The following RCL1 variants were observed in gnomAD, a reference collection of about 807,000 sequenced individuals.
RCL1 encodes the protein RNA 3'-terminal phosphate cyclase-like protein.
RCL1 carries 24 observed loss-of-function variants against 42.4 expected under a neutral mutation model. The ratio of observed to expected loss-of-function variants is 0.57; its 90% CI spans 0.41 to 0.80. RCL1 has a LOEUF of 0.80. Among genes scored for constraint, RCL1 ranks in the 30% least tolerant of loss-of-function variants. RCL1 has a pLI of 0.00. For synonymous variants in RCL1, 228 were observed against 177.3 expected, an observed-to-expected ratio of 1.29 and a Z score of -2.27; for missense variants, 578 against 467.9, an observed-to-expected ratio of 1.24 and a Z score of -2.17.
At chr9:4,812,075 C>G (rs1816198736) in intron 1 of RCL1, among the ~76,000 whole-genome samples, 1 of 152,002 alleles carries the variant, frequency 6.6e-6, no homozygotes, top group African/African-American at 2.4e-5. Context: ...CTGGTGAGTT[C>G]CTTGTATATT....
At chr9:4,858,960 G>T (rs1231523484) in intron 8 of RCL1, among the ~76,000 whole-genome samples, 1 of 152,218 alleles carries the variant, frequency 6.6e-6, no homozygotes, top group Non-Finnish European at 1.5e-5. Context: ...ACAGGGCCTG[G>T]TGGAGGGTAG....
intron 7 of RCL1, among the ~76,000 whole-genome samples, chr9:4,846,187 A>G (rs1817505314): frequency 6.6e-6 from 1 of 152,246 alleles, no homozygotes; most frequent in South Asian, 2.1e-4. Context: ...AAGATGGAAC[A>G]CATGAGAATG....
intron 1 of RCL1, among the ~76,000 whole-genome samples, chr9:4,814,631 G>A (rs74638389): frequency 0.011 from 1,733 of 152,138 alleles, 34 homozygotes; most frequent in African/African-American, 0.039. Context: ...CCGTCTTATT[G>A]TTTGTCATTG....
chr9:4,797,032 T>C (rs1289208467), intron 1 of RCL1, among the ~76,000 whole-genome samples: 1 of 152,234 alleles, frequency 6.6e-6, no homozygotes, highest in Non-Finnish European at 1.5e-5. Flanking sequence ...GTCATGGTCA[T>C]AATACTTGGC....
In RCL1 at chr9:4,849,517, C is replaced by T. The variant is rs748917505; in HGVS notation, c.938C>T (p.Ser313Phe). The stretch of plus-strand genomic sequence containing the variant: ...ATGACCCTTGGACAGCAGGATGTTT[C>T]CAAAGTCCTGCTAGGCCCTCTCTCT... ...LLMTLGQQDV[S>F]KVLLGPLSPY... The change falls in exon 8 of 9, where the codon TCC becomes TTC. Residue 313 changes from serine to phenylalanine, a missense_variant. By Grantham distance (155) the Ser-to-Phe change is radical. Coordinates refer to ENST00000381750, the MANE Select transcript of RCL1 (RefSeq NM_005772.5). 1.9e-6 allele frequency: 3 copies of T among 1,613,628 alleles called. No homozygotes were observed. The highest frequency in any genetic ancestry group is 2.5e-6 in the Non-Finnish European group (3 of 1,179,828).
intron 6 of RCL1, among the ~76,000 whole-genome samples, chr9:4,844,153 A>G (rs118118002): frequency 6.6e-6 from 1 of 152,156 alleles, no homozygotes; most frequent in African/African-American, 2.4e-5. Context: ...TGCCAGACAC[A>G]TAGAAAGTAT....
chr9:4,823,406 C>A (rs866296790), intron 1 of RCL1, 142 bp from the exon 2 acceptor site: 59 of 569,446 alleles, frequency 1.0e-4, no homozygotes, highest in African/African-American at 9.7e-4. Flanking sequence ...CCTACCCAGT[C>A]CTTTAGGAAA....
At chr9:4,849,638 C>T in intron 8 of RCL1, 88 bp downstream of exon 8, 2 of 927,720 alleles carry the variant, frequency 2.2e-6, no homozygotes, top group East Asian at 2.5e-5. Context: ...CTGCACAGAG[C>T]CTGCACTATG....
intron 2 of RCL1, among the ~76,000 whole-genome samples, chr9:4,823,860 G>A (rs1816671566): frequency 6.6e-6 from 1 of 152,056 alleles, no homozygotes; most frequent in South Asian, 2.1e-4. Flanking sequence ...GGAGTTATAT[G>A]AGGAAGCTGT....
Position 4,805,866 on chromosome 9 carries a change from G to C in RCL1, c.136+12639G>C, listed in dbSNP as rs140937916. On this transcript the variant is annotated intron_variant, in intron 1 of 8. Transcript: ENST00000381750. ...ACTCAGAGTCTTTATTTCTTTTGTT[G>C]CTGTTATATAGTTTTCAGCATACAA... 5.3e-5 allele frequency among the ~76,000 whole-genome samples: 8 copies of C among 152,222 alleles called. No individual in the cohort carries two copies. In the East Asian group the frequency reaches 1.3e-3, roughly 26 times the overall value.
rs535607645 is a variant in RCL1, at chr9:4,844,609, C to T, written c.795C>T (p.Gly265=). Residue 265 remains glycine, a synonymous_variant, in exon 7 of 9, where the codon GGC becomes GGT. Coordinates refer to ENST00000381750, the MANE Select transcript of RCL1 (RefSeq NM_005772.5). ...LSAELASNPQ[G]QGAAVLPEDL... Reference sequence around the variant, plus strand: ...CTGAACTGGCCTCCAACCCCCAGGGCCAGGGAGCAGCAGTACTTCCAGAGG... The same window carrying T: ...CTGAACTGGCCTCCAACCCCCAGGGTCAGGGAGCAGCAGTACTTCCAGAGG... 51 of 1,614,060 alleles carry T rather than the reference C, an allele frequency of 3.2e-5. No homozygotes were observed. Among genetic ancestry groups the T allele is most frequent in the Non-Finnish European group, 4.2e-5 (49 of 1,179,976 alleles).
At chr9:4,858,931 C>G (rs550743079) in intron 8 of RCL1, among the ~76,000 whole-genome samples, 95 of 152,296 alleles carry the variant, frequency 6.2e-4, no homozygotes, top group African/African-American at 2.3e-3. Context: ...AGATTTCTGG[C>G]CTCTATGAAC....
At chr9:4,823,941 C>G (rs1437247425) in intron 2 of RCL1, among the ~76,000 whole-genome samples, 1 of 151,854 alleles carries the variant, frequency 6.6e-6, no homozygotes, top group African/African-American at 2.4e-5. Context: ...ATGGAAAGAC[C>G]CAGTTACCTC....
chr9:4,807,568 G>A (rs1816020207), intron 1 of RCL1, among the ~76,000 whole-genome samples: 1 of 152,098 alleles, frequency 6.6e-6, no homozygotes, highest in Non-Finnish European at 1.5e-5. Context: ...TGTCCAGGCT[G>A]GAGTGCAATG....
chr9:4,855,047 C>T lies in RCL1; in HGVS notation c.972-5078C>T, dbSNP rs373043417. 2.2e-3 allele frequency among the ~76,000 whole-genome samples: 236 copies of T among 105,574 alleles called. 1 individual carries two copies. The highest frequency in any genetic ancestry group is 8.5e-3 in the African/African-American group (220 of 25,772). The allele number at this position is 105,574 out of a possible 152,430, so 69.3% of individuals were successfully genotyped here. ...CAGCCTGGGTGACAGAGCAAGACTCCGTCTCAAAAAAAAAAAAAAAAAAAA... is the reference window on the plus strand; with the variant it reads ...CAGCCTGGGTGACAGAGCAAGACTCTGTCTCAAAAAAAAAAAAAAAAAAAA... On this transcript the variant is annotated intron_variant, in intron 8 of 8. Transcript: ENST00000381750.
At chr9:4,827,269 G>A (rs2131004875) in intron 3 of RCL1, 1 of 1,423,742 alleles carries the variant, frequency 7.0e-7, no homozygotes, top group East Asian at 2.5e-5. Context: ...TGTTACCTAA[G>A]AACCTTCAAA....
chr9:4,831,062 A>T (rs1009213406), intron 3 of RCL1, among the ~76,000 whole-genome samples: 5 of 152,112 alleles, frequency 3.3e-5, no homozygotes, highest in African/African-American at 1.2e-4. Flanking sequence ...GGCCCAGGAG[A>T]CAGGGAATTG....
intron 1 of RCL1, among the ~76,000 whole-genome samples, chr9:4,794,246 C>T (rs1350031131): frequency 6.6e-6 from 1 of 152,140 alleles, no homozygotes. Context: ...AGATCTCTGC[C>T]TCTCTTGGGT....
intron 6 of RCL1, among the ~76,000 whole-genome samples, chr9:4,844,015 AT>A (rs963998203): frequency 3.3e-5 from 5 of 150,832 alleles, no homozygotes; most frequent in South Asian, 2.1e-4. Context: ...AGACAAGCAA[AT>A]TTTTTTTTTC....
Sources: gnomAD v4.1 joint callset for allele counts (sites outside exome capture counted in the v4.1 genomes callset) on GRCh38, gnomAD v4.1.1 for gene constraint, MANE v1.5 for transcripts, NCBI Gene and HGNC (gene_info 2026-07-23, HGNC 2026-07-21) for gene names.